The following DPYS variants were observed in gnomAD, a reference collection of about 807,000 sequenced individuals.
The protein encoded by DPYS is dihydropyrimidine amidohydrolase.
In DPYS, 39 loss-of-function variants were observed where a neutral mutation model predicts 50.3. That is an observed-to-expected ratio of 0.78 (90% CI 0.60 to 1.01). The LOEUF (loss-of-function observed/expected upper bound fraction) is 1.01, where lower values mean the gene tolerates loss of function less well. DPYS is among the 50% of genes least tolerant of loss of function. The pLI is 0.00. For synonymous variants in DPYS, 245 were observed against 250.7 expected, an observed-to-expected ratio of 0.98 and a Z score of 0.22; for missense variants, 659 against 680.9, an observed-to-expected ratio of 0.97 and a Z score of 0.36.
At chr8:104,385,876 C>T (rs999402887) in intron 8 of DPYS, among the ~76,000 whole-genome samples, 9 of 152,220 alleles carry the variant, frequency 5.9e-5, no homozygotes, top group African/African-American at 9.6e-5. Context: ...GCGCCTCGTT[C>T]TTGGACTTCA....
At chr8:104,415,425 T>C (rs1034818102) in intron 7 of DPYS, among the ~76,000 whole-genome samples, 3 of 152,202 alleles carry the variant, frequency 2.0e-5, no homozygotes, top group Admixed American at 6.5e-5. Flanking sequence ...GAAAATGCAG[T>C]TATTAGTAGT....
chr8:104,400,539 T>C (rs1811762845), intron 7 of DPYS, among the ~76,000 whole-genome samples: 1 of 152,242 alleles, frequency 6.6e-6, no homozygotes, highest in African/African-American at 2.4e-5. Flanking sequence ...GATTTTGGCC[T>C]GCTCTGGCAG....
chr8:104,412,546 G>T (rs3793354), intron 7 of DPYS, among the ~76,000 whole-genome samples: 7 of 152,060 alleles, frequency 4.6e-5, no homozygotes, highest in African/African-American at 1.4e-4. Context: ...CGGCTGTGTC[G>T]CCTCAGGGGA....
intron 3 of DPYS, among the ~76,000 whole-genome samples, chr8:104,446,115 G>A (rs1017536057): frequency 6.6e-6 from 1 of 152,046 alleles, no homozygotes; most frequent in Non-Finnish European, 1.5e-5. Flanking sequence ...AATATAATTG[G>A]ATTGTTTGTA....
At chr8:104,395,511 C>A (rs1811548709) in intron 7 of DPYS, among the ~76,000 whole-genome samples, 1 of 152,166 alleles carries the variant, frequency 6.6e-6, no homozygotes, top group Non-Finnish European at 1.5e-5. Context: ...ATCTATTCTT[C>A]ATCACTATAG....
intron 1 of DPYS, among the ~76,000 whole-genome samples, chr8:104,459,486 G>A (rs534362044): frequency 2.6e-5 from 4 of 152,236 alleles, no homozygotes; most frequent in African/African-American, 9.6e-5. Context: ...GGGTTTCCAA[G>A]AAATACTTGT....
At chr8:104,459,959 T>A (rs1287978498) in intron 1 of DPYS, among the ~76,000 whole-genome samples, 1 of 152,214 alleles carries the variant, frequency 6.6e-6, no homozygotes, top group East Asian at 1.9e-4. Flanking sequence ...CTTCCCTTGT[T>A]CTGTTAAGAT....
intron 1 of DPYS, among the ~76,000 whole-genome samples, chr8:104,462,300 A>G (rs767348047): frequency 6.6e-5 from 10 of 152,188 alleles, no homozygotes; most frequent in Non-Finnish European, 1.3e-4. Flanking sequence ...GGCAAGCAAC[A>G]GAAAAGGGGA....
Position 104,421,792 on chromosome 8 carries a change from A to T in DPYS, c.1235+2455T>A, listed in dbSNP as rs534784226. Among the ~76,000 whole-genome samples, 40 of 151,130 alleles carry T rather than the reference A, an allele frequency of 2.6e-4. 1 individual carries two copies. In the South Asian group the frequency reaches 4.8e-3, roughly 18 times the overall value. The stretch of plus-strand genomic sequence containing the variant: ...AGCAGGTAATATATATAGATCTTTT[A>T]AAAAAAATCTACACATCTGGATCTT... On this transcript the variant is annotated intron_variant, in intron 7 of 9. Coordinates refer to ENST00000351513, the MANE Select transcript of DPYS (RefSeq NM_001385.3).
chr8:104,455,991 G>T (rs1432438583), intron 1 of DPYS, among the ~76,000 whole-genome samples: 1 of 152,084 alleles, frequency 6.6e-6, no homozygotes, highest in Non-Finnish European at 1.5e-5. Context: ...ATCAATGACA[G>T]TACCACATGT....
Position 104,424,239 on chromosome 8 carries a change from A to G in DPYS, c.1235+8T>C, listed in dbSNP as rs1252727424. 3.7e-6 allele frequency: 6 copies of G among 1,614,122 alleles called. No homozygotes were observed. The highest frequency in any genetic ancestry group is 3.4e-6 in the Non-Finnish European group (4 of 1,179,982). Reference sequence around the variant, plus strand: ...ATGAAGCCAAGGAATACAAGAACTTAGACTTACCTTGTGCCTTTTGGGTCC... The same window carrying G: ...ATGAAGCCAAGGAATACAAGAACTTGGACTTACCTTGTGCCTTTTGGGTCC... On this transcript the variant is annotated splice_region_variant and intron_variant, in intron 7 of 9. Coordinates refer to ENST00000351513, the MANE Select transcript of DPYS (RefSeq NM_001385.3).
Position 104,466,718 on chromosome 8 carries a change from G to C in DPYS, c.203C>G (p.Thr68Arg). The C allele has an allele frequency of 6.5e-7, 1 of 1,534,584 alleles. No individual in the cohort carries two copies. Among genetic ancestry groups the C allele is most frequent in the East Asian group, 2.5e-5 (1 of 40,596 alleles). ...GCCCATGAAGGGGAACTGCATGTGCGTGTGTGTGTCGATGCCTCCGGGCAG... is the reference window on the plus strand; with the variant it reads ...GCCCATGAAGGGGAACTGCATGTGCCTGTGTGTGTCGATGCCTCCGGGCAG... ...LVLPGGIDTH[T>R]HMQFPFMGSR... Residue 68 changes from threonine to arginine, a missense_variant, in exon 1 of 10, where the codon ACG (threonine) becomes AGG (arginine). Physicochemically the swap from Thr to Arg is moderately conservative, Grantham distance 71. Transcript: ENST00000351513.
intron 1 of DPYS, among the ~76,000 whole-genome samples, chr8:104,464,349 C>G (rs189111851): frequency 1.3e-5 from 2 of 152,146 alleles, no homozygotes; most frequent in Admixed American, 6.5e-5. Context: ...CCTTGGGGCA[C>G]GCAAAGATAA....
chr8:104,452,908 G>T (rs1368711057), intron 1 of DPYS, among the ~76,000 whole-genome samples: 2 of 152,140 alleles, frequency 1.3e-5, no homozygotes, highest in Admixed American at 6.5e-5. Context: ...GTGCTTTATG[G>T]GTTGAGCACT....
At chr8:104,393,970 C>T (rs1811492011) in intron 7 of DPYS, among the ~76,000 whole-genome samples, 1 of 152,162 alleles carries the variant, frequency 6.6e-6, no homozygotes, top group Non-Finnish European at 1.5e-5. Flanking sequence ...CACCCTTTCC[C>T]GCTGAGTCCC....
chr8:104,442,853 G>A (rs1449148132), intron 4 of DPYS, among the ~76,000 whole-genome samples: 1 of 152,158 alleles, frequency 6.6e-6, no homozygotes, highest in Non-Finnish European at 1.5e-5. Context: ...CTTGAGCCCA[G>A]GAGTTCAAGA....
At chr8:104,446,267 AAAAAG>A (rs1273810643) in intron 3 of DPYS, among the ~76,000 whole-genome samples, 1 of 152,218 alleles carries the variant, frequency 6.6e-6, no homozygotes, top group Non-Finnish European at 1.5e-5. Flanking sequence ...AAAAAAATTT[AAAAAG>A]AAAAGGTGAA....
At chr8:104,452,597 T>C (rs1426515745) in intron 1 of DPYS, among the ~76,000 whole-genome samples, 1 of 152,162 alleles carries the variant, frequency 6.6e-6, no homozygotes, top group African/African-American at 2.4e-5. Flanking sequence ...ATCTCAGCAC[T>C]CTAGGAGGCT....
rs184416940 is a variant in DPYS, at chr8:104,395,674, C to T, written c.1236-2683G>A. Among the ~76,000 whole-genome samples, 280 of 152,108 alleles carry T rather than the reference C, an allele frequency of 1.8e-3. 4 individuals are homozygous for T. Among genetic ancestry groups the T allele is most frequent in the Non-Finnish European group, 8.8e-4 (60 of 67,992 alleles). On this transcript the variant is annotated intron_variant, in intron 7 of 9. Transcript: ENST00000351513. The stretch of plus-strand genomic sequence containing the variant: ...ATAGTATTCCACTGTATGGACATAC[C>T]GCAGTGCTATACATTCACCCACTGA...
Sources: gnomAD v4.1 joint callset for allele counts (sites outside exome capture counted in the v4.1 genomes callset) on GRCh38, gnomAD v4.1.1 for gene constraint, MANE v1.5 for transcripts, NCBI Gene and HGNC (gene_info 2026-07-23, HGNC 2026-07-21) for gene names.